The following MAF variants were observed in gnomAD, a reference collection of about 807,000 sequenced individuals.
The protein encoded by MAF is transcription factor Maf.
MAF carries 10 observed loss-of-function variants against 22.0 expected under a neutral mutation model. That is an observed-to-expected ratio of 0.45 (90% CI 0.28 to 0.77). MAF has a LOEUF of 0.77. Among genes scored for constraint, MAF ranks in the 30% least tolerant of loss-of-function variants. The pLI, the probability that MAF is intolerant of heterozygous loss-of-function variation, is 0.12. For synonymous variants in MAF, 337 were observed against 255.8 expected, an observed-to-expected ratio of 1.32 and a Z score of -3.03; for missense variants, 544 against 548.4, an observed-to-expected ratio of 0.99 and a Z score of 0.08.
chr16:79,228,808 C>A, the MAF span, among the ~76,000 whole-genome samples: 6 of 151,980 alleles, frequency 3.9e-5, no homozygotes, highest in South Asian at 1.2e-3. Flanking sequence ...GGGGGAGGTC[C>A]GCTCAGGGTT....
chr16:79,557,742 T>C, the MAF span, among the ~76,000 whole-genome samples: 1 of 152,106 alleles, frequency 6.6e-6, no homozygotes, highest in Non-Finnish European at 1.5e-5. Context: ...TTTCATTTAT[T>C]CAACTCATAT....
the MAF span, among the ~76,000 whole-genome samples, chr16:79,470,444 C>A: frequency 9.2e-5 from 14 of 152,166 alleles, no homozygotes; most frequent in African/African-American, 3.4e-4. Flanking sequence ...CCACTGTGGG[C>A]TAGAGAAACA....
chr16:79,432,191 C>A, the MAF span, among the ~76,000 whole-genome samples: 1 of 152,178 alleles, frequency 6.6e-6, no homozygotes, highest in Non-Finnish European at 1.5e-5. Flanking sequence ...TTAGAAGCAT[C>A]TGGCATTTCC....
At chr16:79,221,277 A>G in the MAF span, among the ~76,000 whole-genome samples, 2 of 152,198 alleles carry the variant, frequency 1.3e-5, no homozygotes, top group Non-Finnish European at 2.9e-5. Flanking sequence ...TGCTCTTCTT[A>G]TTATTGGCTG....
the MAF span, among the ~76,000 whole-genome samples, chr16:79,265,148 G>C: frequency 1.3e-5 from 2 of 152,080 alleles, no homozygotes; most frequent in African/African-American, 2.4e-5. Context: ...ATAAATGGAA[G>C]TCATTATTAT....
chr16:79,357,385 G>A, the MAF span, among the ~76,000 whole-genome samples: 1 of 152,314 alleles, frequency 6.6e-6, no homozygotes, highest in Non-Finnish European at 1.5e-5. Flanking sequence ...GGCAGCCAGA[G>A]GTTGCAGTGA....
the MAF span, among the ~76,000 whole-genome samples, chr16:79,377,645 G>A: frequency 7.2e-5 from 11 of 152,240 alleles, no homozygotes; most frequent in Admixed American, 2.6e-4. Flanking sequence ...TTCTTCTAGC[G>A]TTTTTATGGT....
the MAF span, among the ~76,000 whole-genome samples, chr16:79,360,788 G>A: frequency 6.6e-6 from 1 of 152,118 alleles, no homozygotes; most frequent in African/African-American, 2.4e-5. Context: ...ACAAGGACTT[G>A]GCCTGCCCTA....
the MAF span, among the ~76,000 whole-genome samples, chr16:79,301,371 C>T: frequency 3.9e-5 from 6 of 151,994 alleles, no homozygotes; most frequent in Non-Finnish European, 5.9e-5. Flanking sequence ...ATGCATGAAC[C>T]GGAAGCTCAA....
At chr16:79,382,047 T>C in the MAF span, among the ~76,000 whole-genome samples, 1 of 152,212 alleles carries the variant, frequency 6.6e-6, no homozygotes, top group Non-Finnish European at 1.5e-5. Flanking sequence ...TCTCTTCCAC[T>C]TACTTTAGGT....
chr16:79,234,026 G>A, the MAF span, among the ~76,000 whole-genome samples: 1 of 151,664 alleles, frequency 6.6e-6, no homozygotes, highest in South Asian at 2.1e-4. Flanking sequence ...GTATAGAATG[G>A]GTAAGATCAA....
the MAF span, among the ~76,000 whole-genome samples, chr16:79,549,323 C>A: frequency 7.9e-5 from 12 of 152,282 alleles, no homozygotes; most frequent in Non-Finnish European, 1.2e-4. Flanking sequence ...TTGTTTCCAG[C>A]TGGGGAAATG....
downstream of MAF, among the ~76,000 whole-genome samples, chr16:79,589,155 G>A (rs180695661): frequency 7.2e-5 from 11 of 152,208 alleles, no homozygotes; most frequent in Admixed American, 7.2e-4. Context: ...ACAAACCGAG[G>A]GTCCCTCTAA....
chr16:79,439,257 C>CTTTTTTTTTTTT, the MAF span, among the ~76,000 whole-genome samples: 1 of 130,804 alleles, frequency 7.6e-6, no homozygotes. Flanking sequence ...TAGGTACTTA[C>CTTTTTTTTTTTT]TTTTTTTTTT....
At chr16:79,347,175 T>C in the MAF span, among the ~76,000 whole-genome samples, 1 of 152,216 alleles carries the variant, frequency 6.6e-6, no homozygotes, top group Non-Finnish European at 1.5e-5. Context: ...CACACAGAAC[T>C]TCCATGAGAA....
At chr16:79,563,514 A>C in the MAF span, among the ~76,000 whole-genome samples, 1 of 152,124 alleles carries the variant, frequency 6.6e-6, no homozygotes, top group Non-Finnish European at 1.5e-5. Flanking sequence ...ACCAAAAAAA[A>C]AAAAAGATTT....
chr16:79,208,801 T>C, the MAF span, among the ~76,000 whole-genome samples: 2 of 152,188 alleles, frequency 1.3e-5, no homozygotes, highest in Non-Finnish European at 1.5e-5. Flanking sequence ...CATCTGATCA[T>C]ATTAAGATGT....
the MAF span, among the ~76,000 whole-genome samples, chr16:79,438,861 C>T: frequency 6.6e-6 from 1 of 152,082 alleles, no homozygotes; most frequent in Non-Finnish European, 1.5e-5. Flanking sequence ...TGCGCTCTGC[C>T]ACACTTCACA....
the MAF span, among the ~76,000 whole-genome samples, chr16:79,223,048 C>A: frequency 7.9e-5 from 12 of 152,260 alleles, no homozygotes; most frequent in Middle Eastern, 3.4e-3. Flanking sequence ...CTCTCCACCG[C>A]AAATCAACAA....
Sources: allele counts gnomAD v4.1 joint callset (sites outside exome capture counted in the v4.1 genomes callset), GRCh38; gene constraint gnomAD v4.1.1; transcripts MANE v1.5; gene names NCBI Gene and HGNC (gene_info 2026-07-23, HGNC 2026-07-21).